The following CTNNBL1 variants were observed in gnomAD, a reference collection of about 807,000 sequenced individuals.
The protein encoded by CTNNBL1 is beta-catenin-like protein 1.
A neutral mutation model predicts 72.7 loss-of-function variants in CTNNBL1; 31 were observed. That is an observed-to-expected ratio of 0.43 (90% CI 0.32 to 0.58). The LOEUF is 0.58. Ranked by LOEUF, CTNNBL1 falls within the 20% of genes least tolerant of loss-of-function variation. The pLI, the probability that CTNNBL1 is intolerant of heterozygous loss-of-function variation, is 0.08. For missense variants in CTNNBL1, 534 were observed against 725.1 expected (o/e 0.74, Z 3.03); for synonymous variants, 240 against 267.3 (o/e 0.90, Z 1.00).
intron 1 of CTNNBL1, among the ~76,000 whole-genome samples, chr20:37,705,999 T>C (rs949977536): frequency 1.3e-5 from 2 of 152,252 alleles, no homozygotes; most frequent in Non-Finnish European, 1.5e-5. Context: ...GGTTTCCCAG[T>C]GCATATTAAA....
At chr20:37,871,465 C>T (rs1200256302) in intron 15 of CTNNBL1, among the ~76,000 whole-genome samples, 1 of 152,146 alleles carries the variant, frequency 6.6e-6, no homozygotes, top group Non-Finnish European at 1.5e-5. Context: ...GGGGGAAGGG[C>T]AAAGGGTCTT....
intron 15 of CTNNBL1, among the ~76,000 whole-genome samples, chr20:37,862,434 A>G (rs1208390255): frequency 6.6e-6 from 1 of 152,206 alleles, no homozygotes; most frequent in Non-Finnish European, 1.5e-5. Context: ...ATGTAGTAGT[A>G]GTAGTTGGAT....
intron 12 of CTNNBL1, among the ~76,000 whole-genome samples, chr20:37,841,847 C>G (rs371546889): frequency 2.2e-4 from 34 of 152,260 alleles, no homozygotes; most frequent in African/African-American, 7.0e-4. Flanking sequence ...TTCTTGCTCT[C>G]TCTTCTGACT....
chr20:37,797,372 T>C lies in CTNNBL1; in HGVS notation c.1032-5495T>C, dbSNP rs199966209. Reference sequence around the variant, plus strand: ...CTTGTTGCTTTTTTTTTTTTTTTTTTAATCAGTCTCCCTTGTCCAGGAAAG... The same window carrying C: ...CTTGTTGCTTTTTTTTTTTTTTTTTCAATCAGTCTCCCTTGTCCAGGAAAG... On this transcript the variant is annotated intron_variant, in intron 10 of 15. Transcript: ENST00000361383. Among the ~76,000 whole-genome samples, 10 of 151,372 alleles carry C rather than the reference T, an allele frequency of 6.6e-5. No homozygotes were observed. In the East Asian group the frequency reaches 1.9e-3, roughly 29 times the overall value.
intron 10 of CTNNBL1, among the ~76,000 whole-genome samples, chr20:37,796,019 T>TA (rs1183455476): frequency 1.3e-5 from 2 of 152,184 alleles, no homozygotes; most frequent in African/African-American, 4.8e-5. Context: ...TAAGCTCTGT[T>TA]AGGCAGGACC....
chr20:37,726,546 A>C (rs1600447287), intron 1 of CTNNBL1, among the ~76,000 whole-genome samples: 3 of 152,220 alleles, frequency 2.0e-5, no homozygotes, highest in Admixed American at 2.0e-4. Context: ...TCTTTCTCCT[A>C]GCTCAAATTA....
At chr20:37,759,373 T>G (rs2073394749) in intron 5 of CTNNBL1, among the ~76,000 whole-genome samples, 1 of 152,098 alleles carries the variant, frequency 6.6e-6, no homozygotes, top group Non-Finnish European at 1.5e-5. Flanking sequence ...TGATTTTAAT[T>G]ACCATCCTTT....
chr20:37,817,531 A>T (rs957527544), intron 11 of CTNNBL1, among the ~76,000 whole-genome samples: 2 of 152,194 alleles, frequency 1.3e-5, no homozygotes, highest in Non-Finnish European at 2.9e-5. Flanking sequence ...GAAAATGCAG[A>T]CTTGAGTTCA....
Position 37,745,835 on chromosome 20 carries a change from C to T in CTNNBL1, c.327-633C>T, listed in dbSNP as rs560666917. Among the ~76,000 whole-genome samples the T allele has an allele frequency of 5.3e-5, 8 of 152,298 alleles. No homozygotes were observed. The South Asian group carries it at 1.7e-3, about 32-fold the overall frequency. Reference sequence around the variant, plus strand: ...CATGCAGCGTGAATGCAAAGTAGTTCTGTTCTTAGTGCCTGGGCATAGGTT... The same window carrying T: ...CATGCAGCGTGAATGCAAAGTAGTTTTGTTCTTAGTGCCTGGGCATAGGTT... On this transcript the variant is annotated intron_variant, in intron 3 of 15. Coordinates refer to ENST00000361383, the MANE Select transcript of CTNNBL1 (RefSeq NM_030877.5).
intron 1 of CTNNBL1, among the ~76,000 whole-genome samples, chr20:37,727,712 G>T (rs2122589287): frequency 6.6e-6 from 1 of 152,348 alleles, no homozygotes; most frequent in Admixed American, 6.5e-5. Flanking sequence ...GGTAAGAATG[G>T]CTTAAGCCTC....
chr20:37,801,565 G>GT (rs2073824002), intron 10 of CTNNBL1, among the ~76,000 whole-genome samples: 1 of 152,056 alleles, frequency 6.6e-6, no homozygotes, highest in South Asian at 2.1e-4. Context: ...AATAGTTTAT[G>GT]TTTTTTAATT....
At chr20:37,697,999 T>C (rs922552944) in intron 1 of CTNNBL1, among the ~76,000 whole-genome samples, 2 of 152,218 alleles carry the variant, frequency 1.3e-5, no homozygotes, top group Non-Finnish European at 2.9e-5. Flanking sequence ...AGAGCAAATA[T>C]GCCTAGCGCC....
At chr20:37,851,723 T>C (rs912956092) in intron 13 of CTNNBL1, among the ~76,000 whole-genome samples, 1 of 152,226 alleles carries the variant, frequency 6.6e-6, no homozygotes, top group African/African-American at 2.4e-5. Flanking sequence ...TAGTAATAGT[T>C]TTTACCTCTT....
chr20:37,837,754 T>C (rs915384025), intron 11 of CTNNBL1, among the ~76,000 whole-genome samples: 9 of 152,224 alleles, frequency 5.9e-5, no homozygotes, highest in Admixed American at 4.6e-4. Flanking sequence ...AAAACTTTTA[T>C]ATCGATAGCC....
intron 15 of CTNNBL1, 22 bp downstream of exon 15, chr20:37,860,366 T>G (rs2072481586): frequency 6.4e-7 from 1 of 1,567,382 alleles, no homozygotes; most frequent in Non-Finnish European, 8.8e-7. Context: ...GCTACTCATG[T>G]CTGGGGCTCC....
At chr20:37,724,010 C>T (rs1368507348) in intron 1 of CTNNBL1, among the ~76,000 whole-genome samples, 1 of 152,206 alleles carries the variant, frequency 6.6e-6, no homozygotes, top group Non-Finnish European at 1.5e-5. Context: ...TCTGTAACTT[C>T]TGGGTCAGGC....
rs753254698 is a variant in CTNNBL1, at chr20:37,737,422, A to G, written c.264A>G (p.Thr88=). Residue 88 remains threonine, a synonymous_variant, in exon 3 of 16, where the codon ACA becomes ACG. Transcript: ENST00000361383. ...DESSVKKMIL[T]FEKRSYKNQE... Reference sequence around the variant, plus strand: ...GCTCAGTGAAGAAAATGATCCTCACATTTGAAAAGAGATCATATAAAAACC... The same window carrying G: ...GCTCAGTGAAGAAAATGATCCTCACGTTTGAAAAGAGATCATATAAAAACC... 4.3e-6 allele frequency: 7 copies of G among 1,613,780 alleles called. No homozygotes were observed. The East Asian group carries it at 8.9e-5, about 21-fold the overall frequency.
chr20:37,748,054 A>G (rs1256616174), intron 4 of CTNNBL1, among the ~76,000 whole-genome samples: 1 of 152,204 alleles, frequency 6.6e-6, no homozygotes, highest in Non-Finnish European at 1.5e-5. Context: ...CATTAAACCA[A>G]ATTCTCTTCT....
At chr20:37,726,113 A>C (rs1004824521) in intron 1 of CTNNBL1, among the ~76,000 whole-genome samples, 1 of 152,234 alleles carries the variant, frequency 6.6e-6, no homozygotes, top group Non-Finnish European at 1.5e-5. Context: ...GGAGTAACTT[A>C]CTTTCCAGGA....
Sources: gnomAD v4.1 joint callset for allele counts (sites outside exome capture counted in the v4.1 genomes callset) on GRCh38, gnomAD v4.1.1 for gene constraint, MANE v1.5 for transcripts, NCBI Gene and HGNC (gene_info 2026-07-23, HGNC 2026-07-21) for gene names.